Variants in ADORA2B observed in about 807,000 individuals in gnomAD.
ADORA2B encodes adenosine A2b receptor.
A neutral mutation model predicts 20.8 loss-of-function variants in ADORA2B; 18 were observed. The observed-to-expected ratio is 0.87, with a 90% CI of 0.60 to 1.29. ADORA2B has a LOEUF of 1.29. Among genes scored for constraint, ADORA2B ranks in the 50% most tolerant of loss-of-function variants. The pLI is 0.00. For missense variants in ADORA2B, 441 were observed against 422.7 expected, an observed-to-expected ratio of 1.04 and a Z score of -0.38; for synonymous variants, 179 against 178.3, an observed-to-expected ratio of 1.00 and a Z score of -0.03.
chr17:15,923,708 A>G, the ADORA2B span, among the ~76,000 whole-genome samples: 2 of 151,894 alleles, frequency 1.3e-5, no homozygotes, highest in Non-Finnish European at 2.9e-5. Context: ...GCCCGGTCCC[A>G]TTGCCCATAT....
chr17:15,862,043 C>G, the ADORA2B span, among the ~76,000 whole-genome samples: 3 of 151,948 alleles, frequency 2.0e-5, no homozygotes, highest in Admixed American at 2.0e-4. Context: ...GAGTGTAAGT[C>G]TTTGTGTATA....
the ADORA2B span, among the ~76,000 whole-genome samples, chr17:15,857,390 C>T: frequency 3.9e-5 from 6 of 152,338 alleles, no homozygotes; most frequent in East Asian, 1.2e-3. Flanking sequence ...CAGAACCCCC[C>T]TGGGGCACTG....
the ADORA2B span, among the ~76,000 whole-genome samples, chr17:15,877,145 A>G: frequency 2.0e-5 from 3 of 152,184 alleles, no homozygotes; most frequent in Admixed American, 2.0e-4. Context: ...TTTAACTTCT[A>G]GGATTTTTTT....
Position 15,974,736 on chromosome 17 carries a change from C to G in ADORA2B, c.393C>G (p.Val131=). 3 of 1,614,142 alleles carry G rather than the reference C, an allele frequency of 1.9e-6. No homozygotes were observed. The highest frequency in any genetic ancestry group is 2.5e-6 in the Non-Finnish European group (3 of 1,180,036). ...GAGGGGTCATTGCTGTCCTCTGGGT[C>G]CTTGCCTTTGGCATCGGATTGACTC... The part of the protein sequence containing the change: ...RARGVIAVLW[V]LAFGIGLTPF... Residue 131 remains valine (V), a synonymous_variant, in exon 2 of 2, where the codon GTC becomes GTG. Coordinates refer to ENST00000304222, the MANE Select transcript of ADORA2B (RefSeq NM_000676.4).
chr17:15,942,256 T>G (rs1317710896), upstream of ADORA2B, among the ~76,000 whole-genome samples: 1 of 152,120 alleles, frequency 6.6e-6, no homozygotes, highest in Non-Finnish European at 1.5e-5. Flanking sequence ...GCTGTCCTCA[T>G]GATAGTGAGT....
At chr17:15,870,255 G>A in the ADORA2B span, among the ~76,000 whole-genome samples, 5 of 145,586 alleles carry the variant, frequency 3.4e-5, no homozygotes, top group Non-Finnish European at 6.0e-5. Context: ...AAGTAATTGC[G>A]TTTTTTCCCA....
chr17:15,952,696 C>T (rs1969920609), intron 1 of ADORA2B, among the ~76,000 whole-genome samples: 1 of 152,172 alleles, frequency 6.6e-6, no homozygotes, highest in Non-Finnish European at 1.5e-5. Flanking sequence ...AGAAGCTAAG[C>T]CCTGGCCAAT....
chr17:15,958,913 CCT>C (rs1162307738), intron 1 of ADORA2B, among the ~76,000 whole-genome samples: 1 of 152,154 alleles, frequency 6.6e-6, no homozygotes, highest in African/African-American at 2.4e-5. Flanking sequence ...CTCATTATCC[CCT>C]GTGTGTTGTC....
At chr17:15,900,444 ATTTTTTATTTTTT>A in the ADORA2B span, among the ~76,000 whole-genome samples, 1 of 150,124 alleles carries the variant, frequency 6.7e-6, no homozygotes, top group African/African-American at 2.4e-5. Flanking sequence ...TTTTATTTTT[ATTTTTTATTTTTT>A]ATTTTTTTGA....
At chr17:15,942,393 C>T (rs138422685), upstream of ADORA2B, among the ~76,000 whole-genome samples, 261 of 152,162 alleles carry the variant, frequency 1.7e-3, no homozygotes, top group African/African-American at 5.9e-3. Flanking sequence ...CCCTGAGGCC[C>T]CTTGGAAGCC....
the ADORA2B span, among the ~76,000 whole-genome samples, chr17:15,877,261 C>T: frequency 6.6e-6 from 1 of 152,146 alleles, no homozygotes; most frequent in South Asian, 2.1e-4. Context: ...ATCTCCCTAC[C>T]TGGGTTGTTT....
chr17:15,911,914 T>A, the ADORA2B span, among the ~76,000 whole-genome samples: 9 of 152,014 alleles, frequency 5.9e-5, no homozygotes, highest in East Asian at 1.9e-4. Flanking sequence ...AAAATTTTTT[T>A]AAAAATTAGC....
chr17:15,952,570 G>A (rs1424394138), intron 1 of ADORA2B, among the ~76,000 whole-genome samples: 1 of 152,164 alleles, frequency 6.6e-6, no homozygotes, highest in Non-Finnish European at 1.5e-5. Context: ...CCCTTGATGA[G>A]GGGTCCCTTC....
chr17:15,923,260 G>A, the ADORA2B span, among the ~76,000 whole-genome samples: 1 of 143,460 alleles, frequency 7.0e-6, no homozygotes, highest in Non-Finnish European at 1.5e-5. Flanking sequence ...ATGTTGGCCA[G>A]GCTGGTCTCA....
the ADORA2B span, among the ~76,000 whole-genome samples, chr17:15,869,320 AAATAAT>A: frequency 4.7e-5 from 7 of 149,184 alleles, no homozygotes; most frequent in South Asian, 2.1e-4. Context: ...ACTCCATCTC[AAATAAT>A]AATAATAATA....
chr17:15,973,287 C>T (rs1286958428), intron 1 of ADORA2B, among the ~76,000 whole-genome samples: 4 of 152,206 alleles, frequency 2.6e-5, no homozygotes, highest in African/African-American at 2.4e-5. Flanking sequence ...TTTAAAACTA[C>T]AGTCCTGCCC....
the ADORA2B span, among the ~76,000 whole-genome samples, chr17:15,891,879 C>G: frequency 4.2e-5 from 6 of 143,216 alleles, no homozygotes; most frequent in African/African-American, 1.6e-4. Flanking sequence ...ATGGAATCTC[C>G]CTCTGTCGCC....
At chr17:15,951,064 T>A (rs149230586) in intron 1 of ADORA2B, among the ~76,000 whole-genome samples, 1 of 152,172 alleles carries the variant, frequency 6.6e-6, no homozygotes, top group African/African-American at 2.4e-5. Flanking sequence ...AGGGCACATG[T>A]CAGGCTACGT....
At chr17:15,900,739 C>T in the ADORA2B span, among the ~76,000 whole-genome samples, 7 of 152,130 alleles carry the variant, frequency 4.6e-5, no homozygotes, top group Non-Finnish European at 7.4e-5. Context: ...TGTGAGCCAC[C>T]GTGCCCAGCC....
Sources: gnomAD v4.1 joint callset for allele counts (sites outside exome capture counted in the v4.1 genomes callset) on GRCh38, gnomAD v4.1.1 for gene constraint, MANE v1.5 for transcripts, NCBI Gene and HGNC (gene_info 2026-07-23, HGNC 2026-07-21) for gene names.